GRK5: variants seen among roughly 807,000 people sequenced by gnomAD.
GRK5 encodes G protein-coupled receptor kinase 5.
Under a neutral mutation model 78.4 loss-of-function variants are expected in GRK5, and 40 were observed. The observed-to-expected ratio is 0.51, with a 90% CI of 0.40 to 0.66. GRK5 has a LOEUF of 0.66. Ranked by LOEUF, GRK5 falls within the 30% of genes least tolerant of loss-of-function variation. The pLI is 0.00. For synonymous variants in GRK5, 289 were observed against 296.8 expected (o/e 0.97, Z 0.27); for missense variants, 598 against 759.9 (o/e 0.79, Z 2.50).
In GRK5 at chr10:119,430,387, C is replaced by G. The variant is rs116686924; in HGVS notation, c.546C>G (p.Thr182=). Reference sequence around the variant, plus strand: ...TTCTTTCTTCCAGGCAACCGGTGACCAAAAACACTTTCAGGCAGTATCGAG... The same window carrying G: ...TTCTTTCTTCCAGGCAACCGGTGACGAAAAACACTTTCAGGCAGTATCGAG... ...QWKWLERQPV[T]KNTFRQYRVL... The change falls in exon 7 of 16, where the codon ACC becomes ACG. Residue 182 remains threonine, a synonymous_variant. Coordinates refer to ENST00000392870, the MANE Select transcript of GRK5 (RefSeq NM_005308.3). The surrounding 1 kb of genome is among the most constrained non-coding windows in gnomAD (Gnocchi z 4.5). The G allele has an allele frequency of 1.8e-4, 283 of 1,613,554 alleles. No homozygotes were observed. The African/African-American group carries it at 3.5e-3, about 20-fold the overall frequency.
At chr10:119,304,787 G>A (rs1471586096) in intron 1 of GRK5, among the ~76,000 whole-genome samples, 1 of 152,220 alleles carries the variant, frequency 6.6e-6, no homozygotes, top group African/African-American at 2.4e-5. Context: ...ACCCCATGCA[G>A]TCCCCACCCA....
At position 119,459,114 on chromosome 10, in the gene GRK5, T is replaced by C. The variant is rs1194072793; in HGVS notation, c.*4047T>C. 1 of 152,138 alleles carries C rather than the reference T, an allele frequency of 6.6e-6. No individual in the cohort carries two copies. The highest frequency in any genetic ancestry group is 1.9e-4 in the East Asian group (1 of 5,186). 9.4% of individuals were successfully genotyped at this position (152,138 alleles called of 1,614,324 possible). ...GCCCCGGCTGTGGAAAGATAGTGAG[T>C]ATGAAGTCTTTGTGCATTTGGAAGT... is the stretch of plus-strand genomic sequence containing the variant. On this transcript the variant is annotated 3_prime_UTR_variant, in exon 16 of 16. Coordinates refer to ENST00000392870, the MANE Select transcript of GRK5 (RefSeq NM_005308.3).
chr10:119,441,118 C>A (rs1055053000), intron 10 of GRK5, among the ~76,000 whole-genome samples: 34 of 152,208 alleles, frequency 2.2e-4, no homozygotes, highest in Admixed American at 5.9e-4. Flanking sequence ...GAGGGGCGGT[C>A]GGAGGGCCCA....
At chr10:119,399,758 C>G (rs1489060281) in intron 4 of GRK5, among the ~76,000 whole-genome samples, 1 of 151,892 alleles carries the variant, frequency 6.6e-6, no homozygotes, top group Non-Finnish European at 1.5e-5. Context: ...TTTCAATTTT[C>G]CATTCTGCTG....
At chr10:119,328,230 G>A (rs1771776077) in intron 2 of GRK5, among the ~76,000 whole-genome samples, 1 of 152,226 alleles carries the variant, frequency 6.6e-6, no homozygotes, top group Admixed American at 6.5e-5. Flanking sequence ...GCTGGAGGCA[G>A]TCGAGGTCGG....
At chr10:119,214,387 C>G (rs1041230881) in intron 1 of GRK5, among the ~76,000 whole-genome samples, 2 of 152,156 alleles carry the variant, frequency 1.3e-5, no homozygotes, top group African/African-American at 4.8e-5. Flanking sequence ...ACTGCATTGA[C>G]TCTACTGTGC....
chr10:119,233,857 G>T (rs1325635238), intron 1 of GRK5, among the ~76,000 whole-genome samples: 1 of 152,178 alleles, frequency 6.6e-6, no homozygotes, highest in African/African-American at 2.4e-5. Context: ...TAACCTGGCT[G>T]CCCTTGTGAG....
At position 119,231,500 on chromosome 10, in the gene GRK5, G is replaced by A. The variant is rs535208937; in HGVS notation, c.52+23531G>A. ...GCAGGTGGATCACTTGAGGTCAGGA[G>A]TTCGAAACCAGCCTGACCAACATGG... On this transcript the variant is annotated intron_variant, in intron 1 of 15. Transcript: ENST00000392870. Among the ~76,000 whole-genome samples the A allele has an allele frequency of 3.7e-4, 56 of 152,206 alleles. No homozygotes were observed. The South Asian group carries it at 5.8e-3, about 16-fold the overall frequency.
chr10:119,352,183 A>G (rs971826228), intron 2 of GRK5, among the ~76,000 whole-genome samples: 40 of 152,340 alleles, frequency 2.6e-4, no homozygotes, highest in African/African-American at 9.4e-4. Flanking sequence ...GAGTTAGGCC[A>G]TGCGTTGGCT....
chr10:119,265,126 G>T (rs1469156909), intron 1 of GRK5, among the ~76,000 whole-genome samples: 2 of 152,204 alleles, frequency 1.3e-5, no homozygotes, highest in Non-Finnish European at 2.9e-5. Context: ...ATCTCAAAGT[G>T]CTCCCCACCA....
chr10:119,326,716 G>A (rs1850686793), intron 2 of GRK5, 105 bp downstream of exon 2: 2 of 828,810 alleles, frequency 2.4e-6, no homozygotes, highest in South Asian at 2.9e-5. Context: ...TGTCTGTGCA[G>A]TGAGGCAAAT....
chr10:119,394,276 G>A (rs1305239792), intron 3 of GRK5, among the ~76,000 whole-genome samples: 4 of 6,676 alleles, frequency 6.0e-4, no homozygotes, highest in South Asian at 8.3e-3. Flanking sequence ...GTGTGTGGGC[G>A]TGTGTGTGGG....
intron 5 of GRK5, among the ~76,000 whole-genome samples, chr10:119,423,745 ACT>A (rs1852616952): frequency 6.6e-6 from 1 of 151,982 alleles, no homozygotes; most frequent in African/African-American, 2.4e-5. Flanking sequence ...GCACACACAC[ACT>A]CTGAAGGCAT....
chr10:119,313,563 G>A (rs759066368), intron 1 of GRK5, among the ~76,000 whole-genome samples: 3 of 152,248 alleles, frequency 2.0e-5, no homozygotes, highest in South Asian at 2.1e-4. Context: ...AGTGACACCC[G>A]CTTACATTGC....
Position 119,271,831 on chromosome 10 carries a change from ATG to A in GRK5, c.53-54677_53-54676del, listed in dbSNP as rs80064048. Among the ~76,000 whole-genome samples the A allele has an allele frequency of 0.02, 3,059 of 152,254 alleles. 58 individuals carry two copies. Among genetic ancestry groups the A allele is most frequent in the Admixed American group, 0.053 (816 of 15,292 alleles). On this transcript the variant is annotated intron_variant, in intron 1 of 15. Coordinates refer to ENST00000392870, the MANE Select transcript of GRK5 (RefSeq NM_005308.3). This position sits in a 1 kb window ranked among gnomAD's most constrained non-coding sequence, Gnocchi z 4.1. ...ACGTTGGGGAAGTTGCTTGCCTAAT[ATG>A]TGTGTGTTTCCTCATCTGTGAAGAC...
Position 119,379,421 on chromosome 10 carries a change from T to C in GRK5, c.149-1394T>C, listed in dbSNP as rs1053261768. On this transcript the variant is annotated intron_variant, in intron 2 of 15. Transcript: ENST00000392870. The surrounding 1 kb of genome is among the most constrained non-coding windows in gnomAD (Gnocchi z 4.1). ...CCCGGCAAGCCATAGCTTTACATCC[T>C]GTGGATAAGCATTTTGAGACTAAGA... 2.0e-5 allele frequency among the ~76,000 whole-genome samples: 3 copies of C among 152,222 alleles called. No homozygotes were observed. The highest frequency in any genetic ancestry group is 6.5e-5 in the Admixed American group (1 of 15,292).
intron 4 of GRK5, among the ~76,000 whole-genome samples, chr10:119,411,289 G>A (rs938910672): frequency 6.6e-5 from 10 of 152,128 alleles, no homozygotes; most frequent in African/African-American, 1.4e-4. Flanking sequence ...CAGGCCTTTC[G>A]TGGATGCTGG....
intron 1 of GRK5, among the ~76,000 whole-genome samples, chr10:119,288,733 A>C (rs1373740488): frequency 6.6e-6 from 1 of 152,202 alleles, no homozygotes; most frequent in Non-Finnish European, 1.5e-5. Flanking sequence ...TTCCCAGGGC[A>C]GCAGGCCGGC....
chr10:119,448,892 G>A (rs1480319662), intron 13 of GRK5, among the ~76,000 whole-genome samples: 1 of 152,186 alleles, frequency 6.6e-6, no homozygotes, highest in African/African-American at 2.4e-5. Context: ...TGGATCAGAG[G>A]CCCAAGAGAT....
Sources: gnomAD v4.1 joint callset for allele counts (sites outside exome capture counted in the v4.1 genomes callset) on GRCh38, gnomAD v4.1.1 for gene constraint, Gnocchi (gnomAD v3.1) non-coding constraint, MANE v1.5 for transcripts, NCBI Gene and HGNC (gene_info 2026-07-23, HGNC 2026-07-21) for gene names.